Variants in PGBD5 observed in about 807,000 individuals in gnomAD.
PGBD5 encodes piggyBac transposable element derived 5.
Under a neutral mutation model 47.9 loss-of-function variants are expected in PGBD5, and 14 were observed. The ratio of observed to expected loss-of-function variants is 0.29; its 90% confidence interval spans 0.19 to 0.46. The LOEUF is 0.46. Ranked by LOEUF, PGBD5 falls within the 20% of genes least tolerant of loss-of-function variation. The probability of loss-of-function intolerance (pLI) is 1.00; values close to 1 mark genes in which losing one functional copy is unlikely to be tolerated. For synonymous variants in PGBD5, 316 were observed against 306.3 expected, an observed-to-expected ratio of 1.03 and a Z score of -0.33; for missense variants, 635 against 716.0, an observed-to-expected ratio of 0.89 and a Z score of 1.29.
intron 5 of PGBD5, among the ~76,000 whole-genome samples, chr1:230,326,280 C>T (rs1380032834): frequency 1.3e-5 from 2 of 152,186 alleles, no homozygotes; most frequent in East Asian, 1.9e-4. Context: ...TAGCTGGGCA[C>T]GGTGGCAGGC....
At chr1:230,387,615 A>G (rs530695262) in intron 1 of PGBD5, among the ~76,000 whole-genome samples, 2 of 152,284 alleles carry the variant, frequency 1.3e-5, no homozygotes, top group African/African-American at 2.4e-5. Context: ...TGCTCTATGC[A>G]ATACTTTCCA....
chr1:230,377,176 A>T (rs828462), intron 1 of PGBD5, among the ~76,000 whole-genome samples: 109,182 of 152,056 alleles, frequency 0.72, 39,613 homozygotes, highest in Non-Finnish European at 0.74. Flanking sequence ...AGGTGCTGAG[A>T]TTGACTACCT....
chr1:230,368,122 A>G (rs1297231571), intron 1 of PGBD5: 1 of 1,367,920 alleles, frequency 7.3e-7, no homozygotes, highest in South Asian at 1.1e-5. Context: ...CTGACCACAC[A>G]GATGGTGGTG....
rs1350517334 is a variant in PGBD5, at chr1:230,425,941, C to G, written c.-13G>C. The G allele has an allele frequency of 5.8e-6, 5 of 857,122 alleles. No individual in the cohort carries two copies. Among genetic ancestry groups the G allele is most frequent in the African/African-American group, 4.9e-5 (1 of 20,544 alleles). 53.1% of individuals were successfully genotyped at this position (857,122 alleles called of 1,614,324 possible). ...CGCCCTCGGCCATGGCCCCGGCCGC[C>G]GCCCGCGCGCCCGCCCCCACAGTGC... On this transcript the variant is annotated 5_prime_UTR_variant, in exon 1 of 7. Coordinates refer to ENST00000391860, the MANE Select transcript of PGBD5 (RefSeq NM_001258311.2). The surrounding 1 kb of genome is among the most constrained non-coding windows in gnomAD (Gnocchi z 4.7).
chr1:230,376,212 A>T (rs957677850), intron 1 of PGBD5, among the ~76,000 whole-genome samples: 2 of 152,108 alleles, frequency 1.3e-5, no homozygotes, highest in Non-Finnish European at 2.9e-5. Context: ...GTAATTTATT[A>T]GCACACTTCA....
intron 1 of PGBD5, among the ~76,000 whole-genome samples, chr1:230,373,990 GTTTTA>G (rs1667972976): frequency 6.6e-6 from 1 of 152,104 alleles, no homozygotes; most frequent in South Asian, 2.1e-4. Context: ...CCACAAGTGA[GTTTTA>G]TAACAGCAAA....
chr1:230,346,002 C>A (rs1667468235), intron 3 of PGBD5, among the ~76,000 whole-genome samples: 1 of 152,132 alleles, frequency 6.6e-6, no homozygotes, highest in Admixed American at 6.5e-5. Context: ...ACTACAGGAA[C>A]TCGCCACTGC....
At chr1:230,385,738 A>C (rs1656622810) in intron 1 of PGBD5, among the ~76,000 whole-genome samples, 1 of 152,216 alleles carries the variant, frequency 6.6e-6, no homozygotes, top group African/African-American at 2.4e-5. Flanking sequence ...AAATATAAAA[A>C]AGAGTTGGCC....
intron 1 of PGBD5, among the ~76,000 whole-genome samples, chr1:230,361,505 C>T (rs1667741410): frequency 2.0e-5 from 3 of 152,170 alleles, no homozygotes; most frequent in Non-Finnish European, 4.4e-5. Flanking sequence ...CACCACCTAC[C>T]TGGGTTCCCC....
At chr1:230,361,588 C>G (rs961448584) in intron 1 of PGBD5, among the ~76,000 whole-genome samples, 1 of 152,216 alleles carries the variant, frequency 6.6e-6, no homozygotes, top group African/African-American at 2.4e-5. Flanking sequence ...CCCCTCTCTC[C>G]CTGTTCCCAA....
At chr1:230,396,230 A>G (rs1308046431) in intron 1 of PGBD5, among the ~76,000 whole-genome samples, 1 of 6,640 alleles carries the variant, frequency 1.5e-4, no homozygotes, top group Non-Finnish European at 2.5e-4. Flanking sequence ...CCTCCTTTTT[A>G]CCCCCACACT....
At chr1:230,402,739 T>C (rs547758807) in intron 1 of PGBD5, among the ~76,000 whole-genome samples, 1 of 152,324 alleles carries the variant, frequency 6.6e-6, no homozygotes, top group South Asian at 2.1e-4. Flanking sequence ...CCTTCCACCT[T>C]GGCCTTCCAA....
At position 230,323,405 on chromosome 1, in the gene PGBD5, C is replaced by A; in HGVS notation, c.*20G>T. On this transcript the variant is annotated 3_prime_UTR_variant, in exon 7 of 7. Transcript: ENST00000391860. This position sits in a 1 kb window ranked among gnomAD's most constrained non-coding sequence, Gnocchi z 4.1. ...CTCCTCCTCTTGCCCCTCCCTTGAC[C>A]GAGTCCTGCGCCCCCAGCATCAGTG... 1 of 1,606,032 alleles carries A rather than the reference C, an allele frequency of 6.2e-7. No homozygotes were observed. The highest frequency in any genetic ancestry group is 1.3e-5 in the African/African-American group (1 of 74,862).
At chr1:230,390,125 G>A (rs147961337) in intron 1 of PGBD5, among the ~76,000 whole-genome samples, 1 of 152,238 alleles carries the variant, frequency 6.6e-6, no homozygotes, top group East Asian at 1.9e-4. Context: ...GTGACATGGC[G>A]GGACACAGCA....
intron 1 of PGBD5, among the ~76,000 whole-genome samples, chr1:230,375,447 C>T (rs546876147): frequency 1.3e-5 from 2 of 152,246 alleles, no homozygotes; most frequent in South Asian, 4.1e-4. Context: ...GTCACCCCCT[C>T]CTGCACTGCA....
In PGBD5 at chr1:230,381,154, C is replaced by T. The variant is rs575954709; in HGVS notation, c.332-23833G>A. ...TGTTATAGATAAGGAAACTGAAAGC[C>T]AAACAAGGTTGCGAAATTTACCTGG... On this transcript the variant is annotated intron_variant, in intron 1 of 6. Transcript: ENST00000391860. 1.8e-4 allele frequency among the ~76,000 whole-genome samples: 28 copies of T among 152,328 alleles called. No homozygotes were observed. The South Asian group carries it at 5.8e-3, about 32-fold the overall frequency.
Position 230,335,656 on chromosome 1 carries a change from CAG to C in PGBD5, c.1075+1450_1075+1451del, listed in dbSNP as rs1474046282. On this transcript the variant is annotated intron_variant, in intron 4 of 6. Coordinates refer to ENST00000391860, the MANE Select transcript of PGBD5 (RefSeq NM_001258311.2). ...ACAGACACAAACACAGACGCACAAA[CAG>C]ACACACACAGATACACAGATACAGA... Among the ~76,000 whole-genome samples the C allele has an allele frequency of 9.5e-5, 10 of 105,192 alleles. 2 individuals are homozygous for C. The East Asian group carries it at 1.2e-3, about 13-fold the overall frequency. 69.0% of individuals were successfully genotyped at this position (105,192 alleles called of 152,430 possible).
chr1:230,396,774 G>C (rs2102738255), intron 1 of PGBD5, among the ~76,000 whole-genome samples: 1 of 152,142 alleles, frequency 6.6e-6, no homozygotes, highest in Admixed American at 6.5e-5. Context: ...TCTGCTCTCA[G>C]AGCCTCCATT....
In PGBD5 at chr1:230,318,378, A is replaced by G. The variant is rs1033141341; in HGVS notation, c.*5047T>C. 3 of 152,240 alleles carry G rather than the reference A, an allele frequency of 2.0e-5. No homozygotes were observed. Among genetic ancestry groups the G allele is most frequent in the African/African-American group, 7.2e-5 (3 of 41,458 alleles). The allele number at this position is 152,240 out of a possible 1,614,324, so 9.4% of individuals were successfully genotyped here. A position where few individuals can be genotyped will look rare whatever the true frequency, so the allele number is the denominator to read the frequency against. ...GTGAGAAGCCTCAGTCATGTTCCTGATAAGAACGGAAGGTATTTGGGCAGA... is the reference window on the plus strand; with the variant it reads ...GTGAGAAGCCTCAGTCATGTTCCTGGTAAGAACGGAAGGTATTTGGGCAGA... On this transcript the variant is annotated 3_prime_UTR_variant, in exon 7 of 7. Transcript: ENST00000391860.
Sources: gnomAD v4.1 joint callset for allele counts (sites outside exome capture counted in the v4.1 genomes callset) on GRCh38, gnomAD v4.1.1 for gene constraint, Gnocchi (gnomAD v3.1) non-coding constraint, MANE v1.5 for transcripts, NCBI Gene and HGNC (gene_info 2026-07-23, HGNC 2026-07-21) for gene names.